Variants in NFX1 observed in about 807,000 individuals in gnomAD.
NFX1 encodes the protein nuclear transcription factor, X-box binding 1, also known as transcriptional repressor NF-X1.
NFX1 carries 69 observed loss-of-function variants against 137.2 expected under a neutral mutation model. The ratio of observed to expected loss-of-function variants is 0.50; its 90% CI spans 0.41 to 0.61. The LOEUF is 0.61. Ranked by LOEUF, NFX1 falls within the 20% of genes least tolerant of loss-of-function variation. The pLI, the probability that NFX1 is intolerant of heterozygous loss-of-function variation, is 0.00. For missense variants in NFX1, 1,167 were observed against 1,391.0 expected, an observed-to-expected ratio of 0.84 and a Z score of 2.56; for synonymous variants, 495 against 474.1, an observed-to-expected ratio of 1.04 and a Z score of -0.57.
intron 10 of NFX1, among the ~76,000 whole-genome samples, chr9:33,331,529 C>T (rs1188193377): frequency 6.6e-6 from 1 of 152,162 alleles, no homozygotes; most frequent in Non-Finnish European, 1.5e-5. Context: ...AGCATTAACT[C>T]AGTTTCATGA....
At chr9:33,301,842 C>T (rs1725219072) in intron 3 of NFX1, among the ~76,000 whole-genome samples, 1 of 152,192 alleles carries the variant, frequency 6.6e-6, no homozygotes, top group African/African-American at 2.4e-5. Context: ...GAGGCCAAGG[C>T]AGGCGGATCA....
In NFX1 at chr9:33,352,653, TA is replaced by T; in HGVS notation, c.2664del (p.Gln889SerfsTer11). The stretch of plus-strand genomic sequence containing the variant: ...ATGTTCATCTGACTTCAGGTAGAGC[TA>T]CAGTGTGAATGTGGACGAAGAAAAG... Reference protein sequence around the residue: ...PVTACKAKVELQCECGRRKEM... With the variant: ...PVTACKAKVEXQCECGRRKEM... On this transcript the variant is annotated frameshift_variant, in exon 17 of 24. Transcript: ENST00000379540. LOFTEE classifies it high-confidence loss of function. The T allele has an allele frequency of 6.2e-7, 1 of 1,614,152 alleles. No homozygotes were observed. The highest frequency in any genetic ancestry group is 8.5e-7 in the Non-Finnish European group (1 of 1,179,960).
chr9:33,350,738 C>T (rs1823606300), intron 15 of NFX1, among the ~76,000 whole-genome samples: 1 of 152,184 alleles, frequency 6.6e-6, no homozygotes, highest in African/African-American at 2.4e-5. Flanking sequence ...TACCTGTAGT[C>T]CCAGCTAATC....
intron 6 of NFX1, 75 bp from the exon 7 acceptor site, chr9:33,313,579 G>A (rs754290710): frequency 6.7e-7 from 1 of 1,481,682 alleles, no homozygotes; most frequent in Non-Finnish European, 9.3e-7. Context: ...GGAGAGTTAG[G>A]GGCCGCAGTG....
At chr9:33,362,692 G>GTTTT (rs750544815) in intron 19 of NFX1, among the ~76,000 whole-genome samples, 7 of 96,332 alleles carry the variant, frequency 7.3e-5, no homozygotes, top group East Asian at 3.5e-4. Flanking sequence ...AGTTCCTGTG[G>GTTTT]TTTTTTTTTT....
Position 33,328,631 on chromosome 9 carries a change from T to C in NFX1, c.1957T>C (p.Cys653Arg). The C allele has an allele frequency of 6.2e-7, 1 of 1,612,756 alleles. No homozygotes were observed. The highest frequency in any genetic ancestry group is 8.5e-7 in the Non-Finnish European group (1 of 1,178,858). ...KLCHEGDCGP[C>R]SRTSVISCRC... ...CTGCCATGAAGGAGACTGTGGACCA[T>C]GCTCTCGCACATCAGTTATTTCCTG... The change falls in exon 10 of 24, where the codon TGC (cysteine) becomes CGC (arginine). Residue 653 changes from cysteine to arginine, a missense_variant. Physicochemically the swap from Cys to Arg is radical, Grantham distance 180. This residue lies in a region of NFX1 where 488 missense variants were observed against 691.5 expected (regional missense o/e 0.71). Coordinates refer to ENST00000379540, the MANE Select transcript of NFX1 (RefSeq NM_002504.6).
At chr9:33,322,234 C>G (rs1458356509) in intron 9 of NFX1, among the ~76,000 whole-genome samples, 4 of 151,744 alleles carry the variant, frequency 2.6e-5, no homozygotes, top group African/African-American at 4.8e-5. Context: ...AGAAATTGCC[C>G]TAAGAGCATA....
chr9:33,313,570 G>A, intron 6 of NFX1, 84 bp from the exon 7 acceptor site: 1 of 1,366,460 alleles, frequency 7.3e-7, no homozygotes, highest in Non-Finnish European at 1.0e-6. Flanking sequence ...GTTTTGAGGG[G>A]AGAGTTAGGG....
chr9:33,297,629 T>C (rs1291230268), intron 2 of NFX1, among the ~76,000 whole-genome samples: 1 of 152,210 alleles, frequency 6.6e-6, no homozygotes, highest in Non-Finnish European at 1.5e-5. Flanking sequence ...TGGTTGTTGG[T>C]AGGATTCAGT....
At chr9:33,300,504 G>A (rs1471742833) in intron 2 of NFX1, among the ~76,000 whole-genome samples, 1 of 152,110 alleles carries the variant, frequency 6.6e-6, no homozygotes, top group African/African-American at 2.4e-5. Flanking sequence ...AGTGCTAAAA[G>A]TATGTACTCA....
chr9:33,326,668 A>G (rs370469107), intron 9 of NFX1, among the ~76,000 whole-genome samples: 1 of 152,206 alleles, frequency 6.6e-6, no homozygotes, highest in African/African-American at 2.4e-5. Context: ...GCAGTCAGCT[A>G]TGATCATGCC....
At chr9:33,326,346 G>C (rs1353644100) in intron 9 of NFX1, among the ~76,000 whole-genome samples, 1 of 150,090 alleles carries the variant, frequency 6.7e-6, no homozygotes, top group African/African-American at 2.5e-5. Context: ...TCAGGAGGCA[G>C]AGGCTGCAGT....
At chr9:33,325,655 C>T (rs1004268326) in intron 9 of NFX1, among the ~76,000 whole-genome samples, 10 of 150,124 alleles carry the variant, frequency 6.7e-5, no homozygotes, top group Non-Finnish European at 1.5e-4. Context: ...CAGAGAGAGA[C>T]TCTGTCTCAA....
At chr9:33,342,930 T>C in intron 13 of NFX1, 76 bp downstream of exon 13, 1 of 952,056 alleles carries the variant, frequency 1.1e-6, no homozygotes, top group Admixed American at 2.6e-5. Flanking sequence ...AGAGATTGAT[T>C]TACTTAGAAT....
intron 21 of NFX1, chr9:33,365,145 G>A (rs190053757): frequency 2.4e-5 from 6 of 247,534 alleles, no homozygotes; most frequent in African/African-American, 4.6e-5. Context: ...GTGGTGGCGG[G>A]CACCTGTTAT....
chr9:33,364,164 T>C, intron 20 of NFX1, 56 bp downstream of exon 20: 3 of 1,270,054 alleles, frequency 2.4e-6, no homozygotes, highest in Non-Finnish European at 3.4e-6. Flanking sequence ...GTTTGGTCTT[T>C]TGAGATGTCA....
intron 9 of NFX1, among the ~76,000 whole-genome samples, chr9:33,325,863 A>G (rs1822566223): frequency 6.6e-6 from 1 of 152,196 alleles, no homozygotes; most frequent in Non-Finnish European, 1.5e-5. Flanking sequence ...GACAAAGAGC[A>G]CTAGTAAAGA....
At chr9:33,369,800 G>A (rs1824274106) in intron 23 of NFX1, 106 bp from the exon 24 acceptor site, 4 of 816,768 alleles carry the variant, frequency 4.9e-6, no homozygotes, top group Non-Finnish European at 7.9e-6. Context: ...TAAAATAAAT[G>A]TTTAAGATTC....
chr9:33,332,058 T>G (rs1399628969), intron 10 of NFX1, among the ~76,000 whole-genome samples: 2 of 152,086 alleles, frequency 1.3e-5, no homozygotes, highest in Non-Finnish European at 1.5e-5. Flanking sequence ...TGTCCCTGCA[T>G]TAAATGGTAC....
Sources: gnomAD v4.1 joint callset for allele counts (sites outside exome capture counted in the v4.1 genomes callset) on GRCh38, gnomAD v4.1.1 for gene constraint, gnomAD v4.1.1 regional missense constraint, MANE v1.5 for transcripts, NCBI Gene and HGNC (gene_info 2026-07-23, HGNC 2026-07-21) for gene names.